Variants in THSD4 observed in about 807,000 individuals in gnomAD.
The protein encoded by THSD4 is thrombospondin type-1 domain-containing protein 4.
Under a neutral mutation model 119.0 loss-of-function variants are expected in THSD4, and 69 were observed. The ratio of observed to expected loss-of-function variants is 0.58; its 90% CI spans 0.48 to 0.71. The LOEUF (loss-of-function observed/expected upper bound fraction) is 0.71. Among genes scored for constraint, THSD4 ranks in the 30% least tolerant of loss-of-function variants. The pLI, the probability that THSD4 is intolerant of heterozygous loss-of-function variation, is 0.00. For synonymous variants in THSD4, 524 were observed against 540.4 expected (o/e 0.97, Z 0.42); for missense variants, 1,393 against 1,391.1 (o/e 1.00, Z -0.02).
At chr15:71,292,739 C>T (rs184367327) in intron 6 of THSD4, among the ~76,000 whole-genome samples, 5 of 146,782 alleles carry the variant, frequency 3.4e-5, no homozygotes, top group East Asian at 2.0e-4. Context: ...CACAGTGGTG[C>T]GATCTCAGCT....
chr15:71,594,485 T>C (rs2049870195), intron 7 of THSD4, among the ~76,000 whole-genome samples: 1 of 152,156 alleles, frequency 6.6e-6, no homozygotes, highest in Non-Finnish European at 1.5e-5. Context: ...AGCTGGGATT[T>C]CTGCCCTCTG....
In THSD4 at chr15:71,266,950, A is replaced by G. The variant is rs143254837; in HGVS notation, c.1015+10235A>G. On this transcript the variant is annotated intron_variant, in intron 6 of 17. Transcript: ENST00000261862. ...AAGGAATGAACAAAGCCTCCAAGAA[A>G]TATGGGACTATATGAAAAGACCAAA... 8.3e-3 allele frequency among the ~76,000 whole-genome samples: 1,266 copies of G among 152,242 alleles called. 6 individuals are homozygous for G. The highest frequency in any genetic ancestry group is 0.012 in the Non-Finnish European group (785 of 68,022).
chr15:71,243,268 C>CT (rs201001019), intron 5 of THSD4, among the ~76,000 whole-genome samples, 172 bp downstream of exon 5: 3,561 of 142,732 alleles, frequency 0.025, 53 homozygotes, highest in African/African-American at 0.038. Context: ...ACATAGTTTT[C>CT]TTTTTTTTTT....
At position 71,254,938 on chromosome 15, in the gene THSD4, C is replaced by T. The variant is rs75787519; in HGVS notation, c.913-1675C>T. Among the ~76,000 whole-genome samples, 22 of 152,194 alleles carry T rather than the reference C, an allele frequency of 1.4e-4. 1 individual carries two copies. In the East Asian group the frequency reaches 3.9e-3, roughly 27 times the overall value. On this transcript the variant is annotated intron_variant, in intron 5 of 17. Coordinates refer to ENST00000261862, the MANE Select transcript of THSD4 (RefSeq NM_024817.3). Reference sequence around the variant, plus strand: ...AGGGGGCTTCTTGCTCCATATGGTTCGGCTCAGGCCACAGCAGGGTAATGA... The same window carrying T: ...AGGGGGCTTCTTGCTCCATATGGTTTGGCTCAGGCCACAGCAGGGTAATGA...
chr15:71,278,424 A>G (rs1167661023), intron 6 of THSD4, among the ~76,000 whole-genome samples: 1 of 152,184 alleles, frequency 6.6e-6, no homozygotes, highest in Non-Finnish European at 1.5e-5. Context: ...GGCTCAAGCA[A>G]TCCACCTGCC....
intron 4 of THSD4, among the ~76,000 whole-genome samples, chr15:71,239,696 T>C (rs2044136125): frequency 1.3e-5 from 2 of 152,236 alleles, no homozygotes; most frequent in South Asian, 4.1e-4. Flanking sequence ...ATGATTCTCC[T>C]GAAGGAGTTT....
chr15:71,728,491 T>C, intron 8 of THSD4, 58 bp from the exon 9 acceptor site: 1 of 1,588,040 alleles, frequency 6.3e-7, no homozygotes, highest in Non-Finnish European at 8.6e-7. Flanking sequence ...GGGAGTCAGT[T>C]CTGTTTCTTG....
chr15:71,479,380 C>G (rs2047695264), intron 7 of THSD4, among the ~76,000 whole-genome samples: 1 of 152,168 alleles, frequency 6.6e-6, no homozygotes. Context: ...TAACCTTTCT[C>G]TTTCTCTGAC....
intron 7 of THSD4, among the ~76,000 whole-genome samples, chr15:71,651,040 T>A (rs1250135841): frequency 1.3e-5 from 2 of 152,240 alleles, no homozygotes; most frequent in South Asian, 4.2e-4. Flanking sequence ...ATAACTAAAT[T>A]CGATGAATGA....
intron 1 of THSD4, among the ~76,000 whole-genome samples, chr15:71,117,117 C>T (rs2141350087): frequency 6.6e-6 from 1 of 152,204 alleles, no homozygotes; most frequent in Middle Eastern, 3.4e-3. Flanking sequence ...ACTGGAGCCC[C>T]TTCTGAATAA....
At chr15:71,667,510 A>T (rs1348463835) in intron 8 of THSD4, among the ~76,000 whole-genome samples, 6 of 152,232 alleles carry the variant, frequency 3.9e-5, no homozygotes, top group Non-Finnish European at 8.8e-5. Context: ...AGGAATTTTT[A>T]AAGATCTGTA....
Position 71,747,049 on chromosome 15 carries a change from A to AGGCAG in THSD4, c.2241+13_2241+17dup. The AGGCAG allele has an allele frequency of 4.4e-6, 7 of 1,594,344 alleles. No homozygotes were observed. The highest frequency in any genetic ancestry group is 6.0e-6 in the Non-Finnish European group (7 of 1,173,508). On this transcript the variant is annotated splice_region_variant and intron_variant, in intron 13 of 17. Coordinates refer to ENST00000261862, the MANE Select transcript of THSD4 (RefSeq NM_024817.3). ...CCGGACCGACTGGACCTCGGTACGC[A>AGGCAG]GGCAGGGCAGCCCGCTCTGCAGCTC...
At chr15:71,249,804 G>T (rs1596292273) in intron 5 of THSD4, among the ~76,000 whole-genome samples, 1 of 151,946 alleles carries the variant, frequency 6.6e-6, no homozygotes, top group Non-Finnish European at 1.5e-5. Flanking sequence ...AACTCTAAAT[G>T]GCACATTAAT....
intron 6 of THSD4, among the ~76,000 whole-genome samples, chr15:71,266,959 T>C (rs1400607345): frequency 4.6e-5 from 7 of 152,000 alleles, no homozygotes; most frequent in Admixed American, 4.6e-4. Flanking sequence ...AATATGGGAC[T>C]ATATGAAAAG....
intron 7 of THSD4, among the ~76,000 whole-genome samples, chr15:71,588,572 T>G (rs2049735145): frequency 6.6e-6 from 1 of 151,984 alleles, no homozygotes; most frequent in African/African-American, 2.4e-5. Context: ...TACAGGCATG[T>G]GCCACCACAC....
At position 71,369,600 on chromosome 15, in the gene THSD4, G is replaced by A. The variant is rs548666039; in HGVS notation, c.1016-42087G>A. ...GGATTATGTTTATTGATTTGTGTAT[G>A]TTGAACCAGCCTTGCATCCCAGGGA... is the stretch of plus-strand genomic sequence containing the variant. On this transcript the variant is annotated intron_variant, in intron 6 of 17. Coordinates refer to ENST00000261862, the MANE Select transcript of THSD4 (RefSeq NM_024817.3). 3.5e-4 allele frequency among the ~76,000 whole-genome samples: 53 copies of A among 152,300 alleles called. No individual in the cohort carries two copies. The South Asian group carries it at 6.0e-3, about 17-fold the overall frequency.
intron 7 of THSD4, among the ~76,000 whole-genome samples, chr15:71,526,588 G>A (rs1043738186): frequency 2.0e-5 from 3 of 152,118 alleles, no homozygotes; most frequent in Non-Finnish European, 2.9e-5. Context: ...TTAGAAACAC[G>A]ATGTTGACTC....
Position 71,211,831 on chromosome 15 carries a change from G to A in THSD4, c.100-3204G>A, listed in dbSNP as rs544730389. ...GTATGTATTGGGGACGGAGCAGCAC[G>A]CTGGCAGGTTATAAAGCTTCGAGGT... On this transcript the variant is annotated intron_variant, in intron 3 of 17. Transcript: ENST00000261862. Among the ~76,000 whole-genome samples, 9 of 152,256 alleles carry A rather than the reference G, an allele frequency of 5.9e-5. No individual in the cohort carries two copies. In the South Asian group the frequency reaches 1.7e-3, roughly 28 times the overall value.
At chr15:71,368,077 GTCT>G (rs1244436367) in intron 6 of THSD4, among the ~76,000 whole-genome samples, 4 of 152,156 alleles carry the variant, frequency 2.6e-5, no homozygotes, top group Non-Finnish European at 4.4e-5. Context: ...CTGCATAAAT[GTCT>G]TCTTTTGAGA....
Sources: gnomAD v4.1 joint callset for allele counts (sites outside exome capture counted in the v4.1 genomes callset) on GRCh38, gnomAD v4.1.1 for gene constraint, MANE v1.5 for transcripts, NCBI Gene and HGNC (gene_info 2026-07-23, HGNC 2026-07-21) for gene names.